The following TMEM102 variants were observed in gnomAD, a reference collection of about 807,000 sequenced individuals.
The protein encoded by TMEM102 is DANGER family member 2B.
In TMEM102, 28 loss-of-function variants were observed where a neutral mutation model predicts 26.8. The ratio of observed to expected loss-of-function variants is 1.05; its 90% CI spans 0.77 to 1.43. The LOEUF (loss-of-function observed/expected upper bound fraction) is 1.43, where lower values mean the gene tolerates loss of function less well. Among genes scored for constraint, TMEM102 ranks in the 40% most tolerant of loss-of-function variants. TMEM102 has a pLI of 0.00. For synonymous variants in TMEM102, 306 were observed against 332.1 expected, an observed-to-expected ratio of 0.92 and a Z score of 0.86; for missense variants, 677 against 705.6, an observed-to-expected ratio of 0.96 and a Z score of 0.46.
rs745614249 is a variant in TMEM102 at position 7,437,253 on chromosome 17, C to T, written c.1274C>T (p.Ala425Val). 4 of 1,528,660 alleles carry T rather than the reference C, an allele frequency of 2.6e-6. No individual in the cohort carries two copies. The East Asian group carries it at 7.7e-5, about 29-fold the overall frequency. The allele number at this position is 1,528,660 out of a possible 1,614,324, so 94.7% of individuals were successfully genotyped here. Residue 425 changes from alanine to valine, a missense_variant, in exon 3 of 3, where the codon GCG becomes GTG. Ala to Val is a moderately conservative substitution (Grantham distance 64, BLOSUM62 0). Transcript: ENST00000323206. This position sits in a 1 kb window ranked among gnomAD's most constrained non-coding sequence, Gnocchi z 4.2. Reference protein sequence around the residue: ...ACERLPALYLARPENAGACCL... With the variant: ...ACERLPALYLVRPENAGACCL... ...GAGCGGCTGCCTGCGCTCTACCTGGCGCGGCCAGAAAATGCGGGCGCCTGC... is the reference window on the plus strand; with the variant it reads ...GAGCGGCTGCCTGCGCTCTACCTGGTGCGGCCAGAAAATGCGGGCGCCTGC...
At position 7,437,248 on chromosome 17, in the gene TMEM102, C is replaced by G. The variant is rs778653786; in HGVS notation, c.1269C>G (p.Tyr423Ter). 1.3e-6 allele frequency: 2 copies of G among 1,525,800 alleles called. No individual in the cohort carries two copies. The highest frequency in any genetic ancestry group is 1.8e-6 in the Non-Finnish European group (2 of 1,139,442). The allele number at this position is 1,525,800 out of a possible 1,614,324, so 94.5% of individuals were successfully genotyped here. ...YWACERLPAL[Y>*]LARPENAGAC... ...CGTGCGAGCGGCTGCCTGCGCTCTA[C>G]CTGGCGCGGCCAGAAAATGCGGGCG... The change falls in exon 3 of 3, where the codon TAC (tyrosine) becomes TAG (stop). Residue 423 changes from tyrosine (Y) to a stop codon, truncating the protein, a stop_gained. Transcript: ENST00000323206. LOFTEE classifies it high-confidence loss of function. The surrounding 1 kb of genome is among the most constrained non-coding windows in gnomAD (Gnocchi z 4.2).
chr17:7,437,485 C>A lies in TMEM102; in HGVS notation c.1506C>A (p.Gly502=). The change falls in exon 3 of 3, where the codon GGC becomes GGA. Residue 502 remains glycine (G), a synonymous_variant. Transcript: ENST00000323206. The surrounding 1 kb of genome is among the most constrained non-coding windows in gnomAD (Gnocchi z 4.2). Reference sequence around the variant, plus strand: ...CCCGCAAGGGGGGCGGTTTGGCGGGCGTGGGGGGCGGGGCCCATTAAAGAC... The same window carrying A: ...CCCGCAAGGGGGGCGGTTTGGCGGGAGTGGGGGGCGGGGCCCATTAAAGAC... ...KVARKGGGLA[G]VGGGAH 7.3e-7 allele frequency: 1 copy of A among 1,378,814 alleles called. No individual in the cohort carries two copies. The highest frequency in any genetic ancestry group is 9.4e-7 in the Non-Finnish European group (1 of 1,066,944). The allele number at this position is 1,378,814 out of a possible 1,614,324, so 85.4% of individuals were successfully genotyped here.
Position 7,437,364 on chromosome 17 carries a change from C to G in TMEM102, c.1385C>G (p.Thr462Arg). The change falls in exon 3 of 3, where the codon ACG (threonine) becomes AGG (arginine). Residue 462 changes from threonine (T) to arginine (R), a missense_variant. Transcript: ENST00000323206. The surrounding 1 kb of genome is among the most constrained non-coding windows in gnomAD (Gnocchi z 4.2). The part of the protein sequence containing the change: ...HYFLNGRQLR[T>R]GDDSAALLGE... ...TTTCTGAACGGCCGACAGCTCCGTA[C>G]GGGGGACGACTCCGCTGCGCTGCTC... The G allele has an allele frequency of 6.4e-7, 1 of 1,567,212 alleles. No individual in the cohort carries two copies. Among genetic ancestry groups the G allele is most frequent in the South Asian group, 1.2e-5 (1 of 85,416 alleles).
chr17:7,437,232 G>C lies in TMEM102; in HGVS notation c.1253G>C (p.Arg418Pro). The C allele has an allele frequency of 6.6e-7, 1 of 1,516,100 alleles. No homozygotes were observed. The highest frequency in any genetic ancestry group is 2.2e-5 in the Admixed American group (1 of 45,422). 93.9% of individuals were successfully genotyped at this position (1,516,100 alleles called of 1,614,324 possible). The change falls in exon 3 of 3, where the codon CGG becomes CCG. Residue 418 changes from arginine to proline, a missense_variant. Transcript: ENST00000323206. This position sits in a 1 kb window ranked among gnomAD's most constrained non-coding sequence, Gnocchi z 4.2. Reference protein sequence around the residue: ...LRTLLYWACERLPALYLARPE... With the variant: ...LRTLLYWACEPLPALYLARPE... The stretch of plus-strand genomic sequence containing the variant: ...ACGCTGCTGTACTGGGCGTGCGAGC[G>C]GCTGCCTGCGCTCTACCTGGCGCGG...
Position 7,437,167 on chromosome 17 carries a change from G to A in TMEM102, c.1188G>A (p.Leu396=). The A allele has an allele frequency of 2.0e-6, 3 of 1,483,046 alleles. No homozygotes were observed. The highest frequency in any genetic ancestry group is 1.3e-5 in the South Asian group (1 of 76,766). 91.9% of individuals were successfully genotyped at this position (1,483,046 alleles called of 1,614,324 possible). A position where few individuals can be genotyped will look rare whatever the true frequency, so the allele number is the denominator to read the frequency against. Residue 396 remains leucine (L), a synonymous_variant, in exon 3 of 3, where the codon CTG becomes CTA. Coordinates refer to ENST00000323206, the MANE Select transcript of TMEM102 (RefSeq NM_178518.3). This position sits in a 1 kb window ranked among gnomAD's most constrained non-coding sequence, Gnocchi z 4.2. ...CGGCCCAGGCGCTACTGCGCCCGCT[G>A]GTGGCCGGGACCCGGGCGGCGGCGC... The part of the protein sequence containing the change: ...HAAAQALLRP[L]VAGTRAAAPY...
At position 7,435,583 on chromosome 17, in the gene TMEM102, C is replaced by A; in HGVS notation, c.-133C>A. 1 of 379,132 alleles carries A rather than the reference C, an allele frequency of 2.6e-6. No homozygotes were observed. Among genetic ancestry groups the A allele is most frequent in the Non-Finnish European group, 4.8e-6 (1 of 209,492 alleles). 23.5% of individuals were successfully genotyped at this position (379,132 alleles called of 1,614,324 possible). On this transcript the variant is annotated 5_prime_UTR_variant, in exon 1 of 3. The change creates a new upstream start codon in the 5' untranslated region. Coordinates refer to ENST00000323206, the MANE Select transcript of TMEM102 (RefSeq NM_178518.3). ...GGTAGACAAGGGGCGGCAGCGGAGG[C>A]TGGCTACTGCATTCCGTAGGAGGAG...
Position 7,436,576 on chromosome 17 carries a change from G to C in TMEM102, c.597G>C (p.Glu199Asp), listed in dbSNP as rs1417031683. The C allele has an allele frequency of 6.2e-7, 1 of 1,613,892 alleles. No individual in the cohort carries two copies. The highest frequency in any genetic ancestry group is 8.5e-7 in the Non-Finnish European group (1 of 1,179,998). The change falls in exon 3 of 3, where the codon GAG becomes GAC. Residue 199 changes from glutamate (E) to aspartate (D), a missense_variant. Glu to Asp is a conservative substitution (Grantham distance 45, BLOSUM62 2). Coordinates refer to ENST00000323206, the MANE Select transcript of TMEM102 (RefSeq NM_178518.3). ...SVDQPHSYVT[E>D]HEAPVSLEKS... The stretch of plus-strand genomic sequence containing the variant: ...ACCAGCCGCACAGCTACGTCACTGA[G>C]CACGAGGCGCCGGTGTCTTTGGAAA...
Position 7,436,296 on chromosome 17 carries a change from T to G in TMEM102, c.317T>G (p.Leu106Arg). Residue 106 changes from leucine (L) to arginine (R), a missense_variant, in exon 3 of 3, where the codon CTG becomes CGG. By Grantham distance (102) the Leu-to-Arg change is moderately radical. Coordinates refer to ENST00000323206, the MANE Select transcript of TMEM102 (RefSeq NM_178518.3). The part of the protein sequence containing the change: ...EGSLDLGHAP[L>R]GPYARGPHYD... Reference sequence around the variant, plus strand: ...TCCCTGGATCTGGGGCATGCACCCCTGGGTCCCTACGCCCGGGGACCTCAC... The same window carrying G: ...TCCCTGGATCTGGGGCATGCACCCCGGGGTCCCTACGCCCGGGGACCTCAC... The G allele has an allele frequency of 6.2e-7, 1 of 1,613,786 alleles. No individual in the cohort carries two copies. Among genetic ancestry groups the G allele is most frequent in the East Asian group, 2.2e-5 (1 of 44,894 alleles).
In TMEM102 at chr17:7,436,221, T is replaced by G; in HGVS notation, c.242T>G (p.Phe81Cys). 6.2e-7 allele frequency: 1 copy of G among 1,612,078 alleles called. No individual in the cohort carries two copies. Among genetic ancestry groups the G allele is most frequent in the South Asian group, 1.1e-5 (1 of 91,060 alleles). Residue 81 changes from phenylalanine to cysteine, a missense_variant, in exon 3 of 3, where the codon TTT (phenylalanine) becomes TGT (cysteine). Phe to Cys is a radical substitution (Grantham distance 205). Coordinates refer to ENST00000323206, the MANE Select transcript of TMEM102 (RefSeq NM_178518.3). ...LGLVHRRDPR[F>C]PPQAELLLLR... ...CTAGTTCACCGCCGGGACCCTCGCT[T>G]TCCTCCCCAGGCAGAGCTCTTGCTG...
At chr17:7,436,134 ACGCCCCCGCCCC>A (rs750269765) in intron 2 of TMEM102, 48 bp from the exon 3 acceptor site, 1 of 1,601,576 alleles carries the variant, frequency 6.2e-7, no homozygotes, top group Non-Finnish European at 8.5e-7. Context: ...CAGCCTCACC[ACGCCCCCGCCCC>A]CGCCCCGGCT....
In TMEM102 at chr17:7,436,636, T is replaced by A; in HGVS notation, c.657T>A (p.Pro219=). The change falls in exon 3 of 3, where the codon CCT becomes CCA. Residue 219 remains proline (P), a synonymous_variant. Transcript: ENST00000323206. The part of the protein sequence containing the change: ...SPSDVSASES[P]QHDVVDLGST... ...GTGACGTTTCAGCGTCCGAGTCGCC[T>A]CAGCATGACGTCGTCGACCTTGGCT... 1 of 1,613,932 alleles carries A rather than the reference T, an allele frequency of 6.2e-7. No individual in the cohort carries two copies. Among genetic ancestry groups the A allele is most frequent in the Non-Finnish European group, 8.5e-7 (1 of 1,180,026 alleles).
Position 7,435,847 on chromosome 17 carries a change from C to A in TMEM102, c.-19-6C>A. On this transcript the variant is annotated splice_polypyrimidine_tract_variant and splice_region_variant and intron_variant, in intron 1 of 2. Coordinates refer to ENST00000323206, the MANE Select transcript of TMEM102 (RefSeq NM_178518.3). Reference sequence around the variant, plus strand: ...CAAAGCCACCTCCCTTCCGTGTTTTCCGCAGCCCAAAGCGATAGAACCGCA... The same window carrying A: ...CAAAGCCACCTCCCTTCCGTGTTTTACGCAGCCCAAAGCGATAGAACCGCA... The A allele has an allele frequency of 6.4e-7, 1 of 1,551,548 alleles. No individual in the cohort carries two copies. The highest frequency in any genetic ancestry group is 8.7e-7 in the Non-Finnish European group (1 of 1,147,354).
In TMEM102 at chr17:7,437,124, T is replaced by A; in HGVS notation, c.1145T>A (p.Leu382Gln). The change falls in exon 3 of 3, where the codon CTG becomes CAG. Residue 382 changes from leucine (L) to glutamine (Q), a missense_variant. Leu to Gln is a moderately radical substitution (Grantham distance 113). Coordinates refer to ENST00000323206, the MANE Select transcript of TMEM102 (RefSeq NM_178518.3). This position sits in a 1 kb window ranked among gnomAD's most constrained non-coding sequence, Gnocchi z 4.2. ...CTCAAAGCGCGCATACCAGCGCCGC[T>A]GCTGCAGGCGCACGCGGCGGCCCAG... ...LALKARIPAP[L>Q]LQAHAAAQAL... is the part of the protein sequence containing the mutation. 1.4e-6 allele frequency: 2 copies of A among 1,463,000 alleles called. No individual in the cohort carries two copies. Among genetic ancestry groups the A allele is most frequent in the Non-Finnish European group, 1.8e-6 (2 of 1,121,994 alleles). The allele number at this position is 1,463,000 out of a possible 1,614,324, so 90.6% of individuals were successfully genotyped here. A position where few individuals can be genotyped will look rare whatever the true frequency, so the allele number is the denominator to read the frequency against.
Position 7,437,651 on chromosome 17 carries a change from C to A in TMEM102, c.*145C>A, listed in dbSNP as rs550551285. 1.5e-5 allele frequency: 8 copies of A among 539,158 alleles called. No individual in the cohort carries two copies. In the South Asian group the frequency reaches 3.5e-4, roughly 23 times the overall value. 33.4% of individuals were successfully genotyped at this position (539,158 alleles called of 1,614,324 possible). On this transcript the variant is annotated 3_prime_UTR_variant, in exon 3 of 3. Transcript: ENST00000323206. This position sits in a 1 kb window ranked among gnomAD's most constrained non-coding sequence, Gnocchi z 4.2. ...GACCTCCCTGTTGGTTCCTCCTCTA[C>A]GCCCACCCGCCTGCCCCCGCACAAG...
Position 7,437,497 on chromosome 17 carries a change from G to C in TMEM102, c.1518G>C (p.Gly506=), listed in dbSNP as rs904437760. Residue 506 remains glycine (G), a synonymous_variant, in exon 3 of 3, where the codon GGG becomes GGC. Coordinates refer to ENST00000323206, the MANE Select transcript of TMEM102 (RefSeq NM_178518.3). The surrounding 1 kb of genome is among the most constrained non-coding windows in gnomAD (Gnocchi z 4.2). ...GCGGTTTGGCGGGCGTGGGGGGCGG[G>C]GCCCATTAAAGACGCTGTTCCTACC... The part of the protein sequence containing the change: ...KGGGLAGVGG[G]AH The C allele has an allele frequency of 7.2e-7, 1 of 1,387,102 alleles. No individual in the cohort carries two copies. Among genetic ancestry groups the C allele is most frequent in the African/African-American group, 1.5e-5 (1 of 65,536 alleles). 85.9% of individuals were successfully genotyped at this position (1,387,102 alleles called of 1,614,324 possible).
chr17:7,437,402 C>G lies in TMEM102; in HGVS notation c.1423C>G (p.Arg475Gly), dbSNP rs1351970426. Reference sequence around the variant, plus strand: ...CGCTGCGCTGCTCGGAGAATTGGCCCGGCTCCGCGGGGACCCGGCCCGGGC... The same window carrying G: ...CGCTGCGCTGCTCGGAGAATTGGCCGGGCTCCGCGGGGACCCGGCCCGGGC... ...DSAALLGELA[R>G]LRGDPARALR... Residue 475 changes from arginine (R) to glycine (G), a missense_variant, in exon 3 of 3, where the codon CGG becomes GGG. Coordinates refer to ENST00000323206, the MANE Select transcript of TMEM102 (RefSeq NM_178518.3). This position sits in a 1 kb window ranked among gnomAD's most constrained non-coding sequence, Gnocchi z 4.2. 3.3e-6 allele frequency: 5 copies of G among 1,526,400 alleles called. No individual in the cohort carries two copies. The highest frequency in any genetic ancestry group is 4.1e-5 in the Admixed American group (2 of 49,192). 94.6% of individuals were successfully genotyped at this position (1,526,400 alleles called of 1,614,324 possible).
In TMEM102 at chr17:7,437,498, G is replaced by T. The variant is rs544638597; in HGVS notation, c.1519G>T (p.Ala507Ser). ...CGGTTTGGCGGGCGTGGGGGGCGGGGCCCATTAAAGACGCTGTTCCTACCA... is the reference window on the plus strand; with the variant it reads ...CGGTTTGGCGGGCGTGGGGGGCGGGTCCCATTAAAGACGCTGTTCCTACCA... ...GGGLAGVGGG[A>S]H The change falls in exon 3 of 3, where the codon GCC becomes TCC. Residue 507 changes from alanine (A) to serine (S), a missense_variant. By Grantham distance (99) the Ala-to-Ser change is moderately conservative. Transcript: ENST00000323206. This position sits in a 1 kb window ranked among gnomAD's most constrained non-coding sequence, Gnocchi z 4.2. 466 of 1,386,246 alleles carry T rather than the reference G, an allele frequency of 3.4e-4. 1 individual carries two copies. The highest frequency in any genetic ancestry group is 3.0e-3 in the Middle Eastern group (14 of 4,740). 85.9% of individuals were successfully genotyped at this position (1,386,246 alleles called of 1,614,324 possible). A position where few individuals can be genotyped will look rare whatever the true frequency, so the allele number is the denominator to read the frequency against.
Position 7,437,335 on chromosome 17 carries a change from C to T in TMEM102, c.1356C>T (p.His452=), listed in dbSNP as rs1292871303. ...GRVLEAGTLP[H]YFLNGRQLRT... ...TGCTCGAGGCCGGGACGTTGCCTCA[C>T]TATTTTCTGAACGGCCGACAGCTCC... Residue 452 remains histidine, a synonymous_variant, in exon 3 of 3, where the codon CAC becomes CAT. Coordinates refer to ENST00000323206, the MANE Select transcript of TMEM102 (RefSeq NM_178518.3). The surrounding 1 kb of genome is among the most constrained non-coding windows in gnomAD (Gnocchi z 4.2). The T allele has an allele frequency of 6.4e-7, 1 of 1,571,532 alleles. No homozygotes were observed. Among genetic ancestry groups the T allele is most frequent in the Admixed American group, 1.8e-5 (1 of 54,412 alleles).
Position 7,435,699 on chromosome 17 carries a change from A to G in TMEM102, c.-20+3A>G. The G allele has an allele frequency of 1.6e-6, 1 of 619,054 alleles. No homozygotes were observed. The highest frequency in any genetic ancestry group is 2.8e-6 in the Non-Finnish European group (1 of 353,494). 38.3% of individuals were successfully genotyped at this position (619,054 alleles called of 1,614,324 possible). A position where few individuals can be genotyped will look rare whatever the true frequency, so the allele number is the denominator to read the frequency against. ...AGAAAAGGGCCAGGATAGAAGAGGT[A>G]TTTATTTGTTCATTTTGAGGACTAA... On this transcript the variant is annotated splice_donor_region_variant and intron_variant, in intron 1 of 2. Coordinates refer to ENST00000323206, the MANE Select transcript of TMEM102 (RefSeq NM_178518.3).
Sources: allele counts gnomAD v4.1 joint callset, GRCh38; gene constraint gnomAD v4.1.1; non-coding constraint Gnocchi (gnomAD v3.1); transcripts MANE v1.5; gene names NCBI Gene and HGNC (gene_info 2026-07-23, HGNC 2026-07-21).